The following VPS50 variants were observed in gnomAD, a reference collection of about 807,000 sequenced individuals.
VPS50 encodes the protein VPS50 subunit of EARP/GARPII complex.
VPS50 carries 70 observed loss-of-function variants against 139.7 expected under a neutral mutation model. The ratio of observed to expected loss-of-function variants is 0.50; its 90% CI spans 0.41 to 0.61. The LOEUF (loss-of-function observed/expected upper bound fraction) is 0.61. Ranked by LOEUF, VPS50 falls within the 20% of genes least tolerant of loss-of-function variation. VPS50 has a pLI of 0.00. For missense variants in VPS50, 921 were observed against 1,133.7 expected (o/e 0.81, Z 2.69); for synonymous variants, 365 against 376.7 (o/e 0.97, Z 0.36).
At chr7:93,245,292 C>T (rs1795115838) in intron 2 of VPS50, among the ~76,000 whole-genome samples, 1 of 151,552 alleles carries the variant, frequency 6.6e-6, no homozygotes, top group African/African-American at 2.4e-5. Context: ...AGAAGGGTTG[C>T]ATTGGAAGGA....
At chr7:93,338,450 A>G (rs1798123380) in intron 22 of VPS50, among the ~76,000 whole-genome samples, 1 of 152,182 alleles carries the variant, frequency 6.6e-6, no homozygotes, top group African/African-American at 2.4e-5. Flanking sequence ...ATTGAAGAAG[A>G]TCCCTAAAGG....
chr7:93,322,632 T>C (rs1584468629), intron 20 of VPS50, among the ~76,000 whole-genome samples: 1 of 149,678 alleles, frequency 6.7e-6, no homozygotes. Flanking sequence ...ATAGTACCAA[T>C]TTAAAATTAT....
intron 9 of VPS50, among the ~76,000 whole-genome samples, chr7:93,264,271 T>C (rs1247961512): frequency 6.6e-6 from 1 of 152,212 alleles, no homozygotes; most frequent in Non-Finnish European, 1.5e-5. Flanking sequence ...GAGAACATTT[T>C]TACATTGTTT....
At chr7:93,237,722 A>G (rs565511177) in intron 1 of VPS50, among the ~76,000 whole-genome samples, 3 of 152,268 alleles carry the variant, frequency 2.0e-5, no homozygotes, top group East Asian at 3.9e-4. Context: ...TATTAAATGT[A>G]TTTTCCACTT....
At chr7:93,325,873 G>T (rs1797754016) in intron 21 of VPS50, among the ~76,000 whole-genome samples, 1 of 151,270 alleles carries the variant, frequency 6.6e-6, no homozygotes, top group African/African-American at 2.4e-5. Context: ...TTCAACCCTT[G>T]TGGAAGTCAG....
chr7:93,331,999 A>G (rs952475715), intron 21 of VPS50, among the ~76,000 whole-genome samples: 6 of 152,268 alleles, frequency 3.9e-5, no homozygotes, highest in African/African-American at 1.4e-4. Flanking sequence ...AGAGAAGTGC[A>G]TGTTAAAAGC....
chr7:93,299,620 G>A (rs1050073169), intron 16 of VPS50, among the ~76,000 whole-genome samples: 11 of 152,192 alleles, frequency 7.2e-5, no homozygotes, highest in African/African-American at 2.6e-4. Context: ...AAAAATAGGA[G>A]CAGTTTTGTT....
intron 23 of VPS50, among the ~76,000 whole-genome samples, chr7:93,343,291 T>C (rs1428991281): frequency 6.6e-6 from 1 of 151,826 alleles, no homozygotes; most frequent in East Asian, 1.9e-4. Context: ...GAAAAGAGAA[T>C]AAAAAGAAAT....
intron 20 of VPS50, among the ~76,000 whole-genome samples, chr7:93,313,752 A>G (rs1025891064): frequency 2.1e-5 from 1 of 48,634 alleles, no homozygotes; most frequent in Admixed American, 2.6e-4. Flanking sequence ...AGCCACATTC[A>G]AGACCCTTTA....
At chr7:93,250,117 A>T (rs1005188059) in intron 2 of VPS50, among the ~76,000 whole-genome samples, 5 of 149,676 alleles carry the variant, frequency 3.3e-5, no homozygotes, top group African/African-American at 1.2e-4. Context: ...CAGAAGAGGG[A>T]TTTTCTTTTC....
chr7:93,301,283 T>A (rs1796966808), intron 16 of VPS50, among the ~76,000 whole-genome samples: 1 of 147,902 alleles, frequency 6.8e-6, no homozygotes, highest in African/African-American at 2.5e-5. Flanking sequence ...AGTGACAGAG[T>A]GAGACTCTGT....
At chr7:93,341,719 C>A in intron 23 of VPS50, 144 bp downstream of exon 23, 1 of 513,310 alleles carries the variant, frequency 1.9e-6, no homozygotes, top group South Asian at 4.0e-5. Context: ...TATATTCTAA[C>A]ACAGATTACC....
chr7:93,327,404 A>G (rs1797814125), intron 21 of VPS50, among the ~76,000 whole-genome samples: 1 of 152,174 alleles, frequency 6.6e-6, no homozygotes, highest in Non-Finnish European at 1.5e-5. Context: ...ACTTTTGGGA[A>G]CCAAATGGTT....
chr7:93,286,904 C>A (rs1477985302), intron 12 of VPS50, among the ~76,000 whole-genome samples: 3 of 150,972 alleles, frequency 2.0e-5, no homozygotes, highest in Non-Finnish European at 4.4e-5. Flanking sequence ...GAAAGGGGCT[C>A]AATTTTAAAA....
At chr7:93,263,320 A>G (rs1042706090) in intron 9 of VPS50, among the ~76,000 whole-genome samples, 1 of 152,242 alleles carries the variant, frequency 6.6e-6, no homozygotes, top group African/African-American at 2.4e-5. Flanking sequence ...TCTCAATTTT[A>G]AAAACATTTA....
At chr7:93,256,422 A>G (rs1245534210) in intron 4 of VPS50, 87 bp from the exon 5 acceptor site, 1 of 641,286 alleles carries the variant, frequency 1.6e-6, no homozygotes, top group Non-Finnish European at 2.6e-6. Flanking sequence ...TCTATGGAAT[A>G]TTCTTTTAAA....
Position 93,263,173 on chromosome 7 carries a change from A to T in VPS50, c.659+3541A>T, listed in dbSNP as rs1201984341. On this transcript the variant is annotated intron_variant, in intron 9 of 27. Coordinates refer to ENST00000305866, the MANE Select transcript of VPS50 (RefSeq NM_017667.4). ...TCATCCACACTTTTAAAATGTATTT[A>T]ATTGACTTGGGCTTGTGGAACTTAG... 2.0e-5 allele frequency among the ~76,000 whole-genome samples: 3 copies of T among 152,184 alleles called. No homozygotes were observed. The East Asian group carries it at 5.8e-4, about 29-fold the overall frequency.
chr7:93,312,908 A>G (rs1392866134), intron 20 of VPS50, among the ~76,000 whole-genome samples: 1 of 152,164 alleles, frequency 6.6e-6, no homozygotes, highest in Non-Finnish European at 1.5e-5. Flanking sequence ...GCAGTTTTCA[A>G]TGTCCGAACA....
At chr7:93,273,033 T>C (rs907874249) in intron 11 of VPS50, 2 of 168,460 alleles carry the variant, frequency 1.2e-5, no homozygotes, top group East Asian at 3.4e-4. Flanking sequence ...GGAGACAACA[T>C]GTAGTCTCTT....
Sources: allele counts gnomAD v4.1 joint callset (sites outside exome capture counted in the v4.1 genomes callset), GRCh38; gene constraint gnomAD v4.1.1; transcripts MANE v1.5; gene names NCBI Gene and HGNC (gene_info 2026-07-23, HGNC 2026-07-21).